Variants in ESR1 observed in about 807,000 individuals in gnomAD.
The protein encoded by ESR1 is estrogen receptor.
ESR1 carries 12 observed loss-of-function variants against 52.7 expected under a neutral mutation model. The observed-to-expected ratio is 0.23, with a 90% CI of 0.15 to 0.37. ESR1 has a LOEUF of 0.37. ESR1 is among the 10% of genes least tolerant of loss of function. The probability of loss-of-function intolerance (pLI) is 1.00; values close to 1 mark genes in which losing one functional copy is unlikely to be tolerated. For missense variants in ESR1, 584 were observed against 779.7 expected (o/e 0.75, Z 2.99); for synonymous variants, 305 against 316.8 (o/e 0.96, Z 0.39).
intron 2 of ESR1, among the ~76,000 whole-genome samples, chr6:151,767,450 T>C (rs1157479725): frequency 6.6e-6 from 1 of 152,194 alleles, no homozygotes. Context: ...TTTGGCAGTC[T>C]GGTGAAGCCA....
At chr6:151,881,086 A>G (rs773506451) in intron 3 of ESR1, among the ~76,000 whole-genome samples, 14 of 152,234 alleles carry the variant, frequency 9.2e-5, no homozygotes, top group Non-Finnish European at 1.5e-4. Context: ...AAATTATTCT[A>G]GAAATATTTT....
At chr6:151,753,681 G>A (rs964106919) in intron 2 of ESR1, among the ~76,000 whole-genome samples, 7 of 152,170 alleles carry the variant, frequency 4.6e-5, no homozygotes, top group East Asian at 1.9e-4. Flanking sequence ...AGATATTGCC[G>A]TAGTGTTTCT....
intron 1 of ESR1, among the ~76,000 whole-genome samples, chr6:151,660,213 T>C (rs1312973027): frequency 6.6e-6 from 1 of 152,200 alleles, no homozygotes; most frequent in Non-Finnish European, 1.5e-5. Flanking sequence ...CTTCAGTGAA[T>C]ACAGCAGAGT....
chr6:152,090,529 C>T (rs1300081234), intron 6 of ESR1, among the ~76,000 whole-genome samples: 3 of 152,224 alleles, frequency 2.0e-5, no homozygotes, highest in Non-Finnish European at 2.9e-5. Flanking sequence ...CATGGAGGCC[C>T]ATGGCAAGGG....
rs1305919933 is a variant in ESR1, at chr6:152,101,441, G to T, written c.*2475G>T. ...GCTAAAGCCAAACAATTATACAGTGGAAGGTTTTACATTATTCATCCAATG... is the reference window on the plus strand; with the variant it reads ...GCTAAAGCCAAACAATTATACAGTGTAAGGTTTTACATTATTCATCCAATG... On this transcript the variant is annotated 3_prime_UTR_variant, in exon 8 of 8. Coordinates refer to ENST00000206249, the MANE Select transcript of ESR1 (RefSeq NM_000125.4). 1 of 232,868 alleles carries T rather than the reference G, an allele frequency of 4.3e-6. No homozygotes were observed. The highest frequency in any genetic ancestry group is 5.6e-5 in the Admixed American group (1 of 17,780). 14.4% of individuals were successfully genotyped at this position (232,868 alleles called of 1,614,324 possible).
chr6:152,007,917 T>C (rs1298029248), intron 4 of ESR1, among the ~76,000 whole-genome samples: 2 of 152,140 alleles, frequency 1.3e-5, no homozygotes, highest in African/African-American at 4.8e-5. Flanking sequence ...TGCCTCTAAA[T>C]TATTATAGCA....
At chr6:152,116,354 G>T (rs2051210669) in intron 6 of ESR1, among the ~76,000 whole-genome samples, 2 of 152,158 alleles carry the variant, frequency 1.3e-5, no homozygotes, top group Non-Finnish European at 2.9e-5. Context: ...GAGATACTGA[G>T]ATCTCTAACT....
At chr6:151,959,826 T>G (rs1050502655) in intron 4 of ESR1, among the ~76,000 whole-genome samples, 30 of 152,192 alleles carry the variant, frequency 2.0e-4, no homozygotes, top group African/African-American at 7.2e-4. Context: ...AACTAACATT[T>G]GTCCTGTCAG....
At chr6:152,033,577 A>C (rs532151532) in intron 5 of ESR1, among the ~76,000 whole-genome samples, 11 of 152,268 alleles carry the variant, frequency 7.2e-5, no homozygotes, top group Non-Finnish European at 1.3e-4. Context: ...AGAAATGCAA[A>C]TCAAAACCAC....
At chr6:152,091,100 T>G (rs1585209084) in intron 6 of ESR1, among the ~76,000 whole-genome samples, 1 of 152,150 alleles carries the variant, frequency 6.6e-6, no homozygotes, top group Non-Finnish European at 1.5e-5. Context: ...CCATCCAGGG[T>G]GGGAGAGACC....
At chr6:151,930,370 A>G (rs1300011934) in intron 3 of ESR1, among the ~76,000 whole-genome samples, 1 of 152,198 alleles carries the variant, frequency 6.6e-6, no homozygotes, top group Non-Finnish European at 1.5e-5. Context: ...ACACCTTCAA[A>G]TAACACTATT....
chr6:152,019,242 C>T (rs1554310877), intron 5 of ESR1, among the ~76,000 whole-genome samples: 1 of 152,026 alleles, frequency 6.6e-6, no homozygotes, highest in Non-Finnish European at 1.5e-5. Context: ...TTCAATGATA[C>T]CTGAACTATA....
rs146578630 is a variant in ESR1, at chr6:151,724,360, A to G, written c.-71+22355A>G. 8.3e-3 allele frequency among the ~76,000 whole-genome samples: 1,262 copies of G among 152,336 alleles called. 7 individuals carry two copies. The highest frequency in any genetic ancestry group is 0.013 in the Non-Finnish European group (911 of 68,024). On this transcript the variant is annotated intron_variant, in intron 2 of 2. Coordinates refer to the ESR1 transcript ENST00000404742. ...CCCTCCTTCCTCAAGACTGACAGGA[A>G]AGCTCCTACAACCCACGAAGGAGTT... is the stretch of plus-strand genomic sequence containing the variant.
chr6:151,760,677 C>T (rs913760889), intron 2 of ESR1, among the ~76,000 whole-genome samples: 2 of 152,172 alleles, frequency 1.3e-5, no homozygotes, highest in East Asian at 1.9e-4. Context: ...TCCTCCGAGG[C>T]GAGTTGCTGC....
chr6:151,755,621 T>C (rs1181877181), intron 2 of ESR1, among the ~76,000 whole-genome samples: 1 of 150,742 alleles, frequency 6.6e-6, no homozygotes, highest in Non-Finnish European at 1.5e-5. Flanking sequence ...CTCATGACTC[T>C]TTTCTTTCTT....
At position 151,931,335 on chromosome 6, in the gene ESR1, A is replaced by G. The variant is rs150376068; in HGVS notation, c.761-12838A>G. 1.3e-3 allele frequency among the ~76,000 whole-genome samples: 200 copies of G among 152,078 alleles called. 2 individuals are homozygous for G. The highest frequency in any genetic ancestry group is 4.6e-3 in the African/African-American group (189 of 41,472). On this transcript the variant is annotated intron_variant, in intron 3 of 7. Coordinates refer to ENST00000206249, the MANE Select transcript of ESR1 (RefSeq NM_000125.4). ...CTCAAAGACATTTTTCATTTCTGTT[A>G]CACCATTTTTACATTTCTAGCATTT...
At chr6:151,834,518 G>T (rs544557662) in intron 1 of ESR1, among the ~76,000 whole-genome samples, 62 of 152,208 alleles carry the variant, frequency 4.1e-4, no homozygotes, top group African/African-American at 1.4e-3. Context: ...TGGACACAGG[G>T]ACGGGAACAT....
At chr6:152,043,837 T>G (rs1020919568) in intron 5 of ESR1, among the ~76,000 whole-genome samples, 5 of 152,194 alleles carry the variant, frequency 3.3e-5, no homozygotes, top group Admixed American at 3.3e-4. Flanking sequence ...CAATCAATGC[T>G]GTCACTTTAA....
At chr6:151,962,162 T>A (rs1172444415) in intron 4 of ESR1, among the ~76,000 whole-genome samples, 2 of 152,188 alleles carry the variant, frequency 1.3e-5, no homozygotes, top group African/African-American at 2.4e-5. Flanking sequence ...GGCATTCTGC[T>A]GCTTCAAGGG....
Sources: gnomAD v4.1 joint callset for allele counts (sites outside exome capture counted in the v4.1 genomes callset) on GRCh38, gnomAD v4.1.1 for gene constraint, MANE v1.5 for transcripts, NCBI Gene and HGNC (gene_info 2026-07-23, HGNC 2026-07-21) for gene names.